The following FREM3 variants were observed in gnomAD, a reference collection of about 807,000 sequenced individuals.
FREM3 encodes the protein FRAS1-related extracellular matrix protein 3.
A neutral mutation model predicts 129.1 loss-of-function variants in FREM3; 105 were observed. The observed-to-expected ratio is 0.81, with a 90% CI of 0.69 to 0.96. FREM3 has a LOEUF of 0.96. Ranked by LOEUF, FREM3 falls within the 40% of genes least tolerant of loss-of-function variation. FREM3 has a pLI of 0.00. For synonymous variants in FREM3, 1,014 were observed against 1,044.9 expected (o/e 0.97, Z 0.57); for missense variants, 2,593 against 2,666.3 (o/e 0.97, Z 0.61).
chr4:143,638,427 T>G (rs956724914), intron 2 of FREM3, among the ~76,000 whole-genome samples: 54 of 152,134 alleles, frequency 3.5e-4, no homozygotes, highest in African/African-American at 1.3e-3. Context: ...GCATACAAGA[T>G]TTAAGGAGGA....
Position 143,646,184 on chromosome 4 carries a change from A to T in FREM3, c.5276-18424T>A, listed in dbSNP as rs1546202. 1.5e-3 allele frequency among the ~76,000 whole-genome samples: 230 copies of T among 152,150 alleles called. 1 individual carries two copies. Among genetic ancestry groups the T allele is most frequent in the African/African-American group, 4.9e-3 (202 of 41,518 alleles). ...TAAAAGTTGCCCAACATTTAAAATTATTGGAAAATATGAGGAAGAATAAGA... is the reference window on the plus strand; with the variant it reads ...TAAAAGTTGCCCAACATTTAAAATTTTTGGAAAATATGAGGAAGAATAAGA... On this transcript the variant is annotated intron_variant, in intron 2 of 7. Transcript: ENST00000329798.
At chr4:143,620,760 T>C (rs184152247) in intron 5 of FREM3, among the ~76,000 whole-genome samples, 1 of 152,364 alleles carries the variant, frequency 6.6e-6, no homozygotes, top group African/African-American at 2.4e-5. Context: ...TTCACAAATG[T>C]CTCATTTGAC....
chr4:143,580,988 T>TC (rs1395878472), intron 7 of FREM3, among the ~76,000 whole-genome samples: 1 of 152,174 alleles, frequency 6.6e-6, no homozygotes, highest in Non-Finnish European at 1.5e-5. Context: ...GCTCCGCACT[T>TC]CCTTGGGACA....
At chr4:143,612,068 A>G (rs1408280899) in intron 5 of FREM3, among the ~76,000 whole-genome samples, 2 of 152,230 alleles carry the variant, frequency 1.3e-5, no homozygotes, top group Admixed American at 6.5e-5. Flanking sequence ...ATTTCGGTTT[A>G]GATTCAGTGT....
rs1238882332 is a variant in FREM3, at chr4:143,698,449, T to C, written c.2227A>G (p.Thr743Ala). ...QDSDDQNLWY[T>A]LLTLPTDTDG... is the part of the protein sequence containing the mutation. Reference sequence around the variant, plus strand: ...GTGTCAGTCGGGAGTGTCAGTAGGGTGTACCATAGGTTCTGGTCATCAGAG... The same window carrying C: ...GTGTCAGTCGGGAGTGTCAGTAGGGCGTACCATAGGTTCTGGTCATCAGAG... Residue 743 changes from threonine to alanine, a missense_variant, in exon 1 of 8, where the codon ACC (threonine) becomes GCC (alanine). Thr to Ala is a moderately conservative substitution (Grantham distance 58). Transcript: ENST00000329798. The C allele has an allele frequency of 7.8e-6, 12 of 1,537,844 alleles. No homozygotes were observed. Among genetic ancestry groups the C allele is most frequent in the Non-Finnish European group, 1.0e-5 (12 of 1,147,034 alleles).
chr4:143,624,487 T>C, intron 3 of FREM3, 149 bp from the exon 4 acceptor site: 1 of 610,972 alleles, frequency 1.6e-6, no homozygotes, highest in Non-Finnish European at 2.9e-6. Context: ...ATGATCTTTC[T>C]TGGCTAAGAG....
At position 143,698,756 on chromosome 4, in the gene FREM3, T is replaced by A; in HGVS notation, c.1920A>T (p.Lys640Asn). The change falls in exon 1 of 8, where the codon AAA becomes AAT. Residue 640 changes from lysine to asparagine, a missense_variant. Coordinates refer to ENST00000329798, the MANE Select transcript of FREM3 (RefSeq NM_001168235.2). ...HYMEKEGLYEKVVTEWLQRDI... is the reference protein window; with the variant it reads ...HYMEKEGLYENVVTEWLQRDI... The stretch of plus-strand genomic sequence containing the variant: ...CTCTCTGTAGCCACTCAGTCACCAC[T>A]TTCTCATAAAGCCCTTCCTTTTCCA... The A allele has an allele frequency of 6.5e-7, 1 of 1,537,482 alleles. No individual in the cohort carries two copies. The highest frequency in any genetic ancestry group is 8.7e-7 in the Non-Finnish European group (1 of 1,146,976).
At position 143,627,605 on chromosome 4, in the gene FREM3, GTTAC is replaced by G; in HGVS notation, c.5422+5_5422+8del. On this transcript the variant is annotated splice_donor_5th_base_variant and intron_variant, in intron 3 of 7. Coordinates refer to ENST00000329798, the MANE Select transcript of FREM3 (RefSeq NM_001168235.2). ...ACCTTTTACCAACAACCAATCCAAA[GTTAC>G]TTACTGATAAATGATGTTTCTCCAA... is the stretch of plus-strand genomic sequence containing the variant. The G allele has an allele frequency of 6.5e-7, 1 of 1,534,200 alleles. No homozygotes were observed.
intron 2 of FREM3, among the ~76,000 whole-genome samples, chr4:143,637,186 A>G (rs1739246379): frequency 6.6e-6 from 1 of 152,198 alleles, no homozygotes; most frequent in African/African-American, 2.4e-5. Flanking sequence ...ACAGTGAGAA[A>G]TGTGTTACTC....
intron 7 of FREM3, among the ~76,000 whole-genome samples, chr4:143,584,997 G>T (rs1738213081): frequency 6.6e-6 from 1 of 152,096 alleles, no homozygotes; most frequent in Non-Finnish European, 1.5e-5. Context: ...ACAATTACAT[G>T]GAAATTAAAC....
intron 6 of FREM3, among the ~76,000 whole-genome samples, chr4:143,592,097 A>T (rs1207452133): frequency 6.6e-6 from 1 of 152,024 alleles, no homozygotes; most frequent in African/African-American, 2.4e-5. Context: ...TGCTTGGTAG[A>T]TCTTCCTCCA....
chr4:143,633,672 C>T (rs1323179307), intron 2 of FREM3, among the ~76,000 whole-genome samples: 1 of 152,158 alleles, frequency 6.6e-6, no homozygotes, highest in Non-Finnish European at 1.5e-5. Flanking sequence ...ATGCAATGCA[C>T]ACATTTTAAT....
At chr4:143,667,915 T>C (rs973717328) in intron 2 of FREM3, among the ~76,000 whole-genome samples, 1 of 152,234 alleles carries the variant, frequency 6.6e-6, no homozygotes, top group Non-Finnish European at 1.5e-5. Flanking sequence ...GGCATTCTGT[T>C]TCAGAGAATT....
chr4:143,673,892 A>T (rs1740053688), intron 2 of FREM3, among the ~76,000 whole-genome samples: 1 of 152,248 alleles, frequency 6.6e-6, no homozygotes, highest in African/African-American at 2.4e-5. Flanking sequence ...CCTCCGAGCC[A>T]TGCGCGGGAT....
At chr4:143,618,516 G>GA (rs1479729419) in intron 5 of FREM3, among the ~76,000 whole-genome samples, 3 of 152,160 alleles carry the variant, frequency 2.0e-5, no homozygotes, top group African/African-American at 4.8e-5. Flanking sequence ...TGGTGGAACT[G>GA]AAACTGAGGG....
intron 3 of FREM3, among the ~76,000 whole-genome samples, chr4:143,626,603 C>T (rs1739040943): frequency 6.6e-6 from 1 of 152,164 alleles, no homozygotes; most frequent in African/African-American, 2.4e-5. Context: ...CATATTTCAG[C>T]TGACATTCCT....
At chr4:143,611,111 T>A (rs11936025) in intron 6 of FREM3, among the ~76,000 whole-genome samples, 168 bp downstream of exon 6, 13,598 of 152,244 alleles carry the variant, frequency 0.089, 1,743 homozygotes, top group African/African-American at 0.29. Context: ...TTGTCATTGG[T>A]GTTGGTGATG....
At chr4:143,649,925 C>G (rs1270906377) in intron 2 of FREM3, among the ~76,000 whole-genome samples, 1 of 152,198 alleles carries the variant, frequency 6.6e-6, no homozygotes, top group Non-Finnish European at 1.5e-5. Flanking sequence ...ATTGAACAAA[C>G]TAGTCCATGA....
chr4:143,663,540 G>A (rs1739785074), intron 2 of FREM3, among the ~76,000 whole-genome samples: 1 of 151,970 alleles, frequency 6.6e-6, no homozygotes, highest in Non-Finnish European at 1.5e-5. Context: ...TTCAACTTTG[G>A]TGAATCTGAC....
Sources: allele counts gnomAD v4.1 joint callset (sites outside exome capture counted in the v4.1 genomes callset), GRCh38; gene constraint gnomAD v4.1.1; transcripts MANE v1.5; gene names NCBI Gene and HGNC (gene_info 2026-07-23, HGNC 2026-07-21).